PSMD6: variants seen among roughly 807,000 people sequenced by gnomAD.
PSMD6 encodes 26S proteasome non-ATPase regulatory subunit 6.
Under a neutral mutation model 44.9 loss-of-function variants are expected in PSMD6, and 7 were observed. That is an observed-to-expected ratio of 0.16 (90% CI 0.09 to 0.29). PSMD6 has a LOEUF of 0.29. Ranked by LOEUF, PSMD6 falls within the 10% of genes least tolerant of loss-of-function variation. The probability of loss-of-function intolerance (pLI) is 1.00; values close to 1 mark genes in which losing one functional copy is unlikely to be tolerated. For missense variants in PSMD6, 420 were observed against 482.6 expected (o/e 0.87, Z 1.21); for synonymous variants, 184 against 172.7 (o/e 1.07, Z -0.51).
At chr3:64,021,982 G>A (rs1044362220) in intron 2 of PSMD6, among the ~76,000 whole-genome samples, 1 of 152,150 alleles carries the variant, frequency 6.6e-6, no homozygotes, top group Non-Finnish European at 1.5e-5. Context: ...AAAGACACCA[G>A]AACCAGTGCT....
Position 64,018,808 on chromosome 3 carries a change from T to C in PSMD6, c.717+10A>G, listed in dbSNP as rs746184143. The C allele has an allele frequency of 6.4e-7, 1 of 1,555,410 alleles. No individual in the cohort carries two copies. Among genetic ancestry groups the C allele is most frequent in the South Asian group, 1.1e-5 (1 of 88,316 alleles). Reference sequence around the variant, plus strand: ...GTCTTTAAATTTGAGTATTAAAGTTTGGTCATTACCTTTTCCCTGAGATCT... The same window carrying C: ...GTCTTTAAATTTGAGTATTAAAGTTCGGTCATTACCTTTTCCCTGAGATCT... On this transcript the variant is annotated intron_variant, in intron 4 of 7. Transcript: ENST00000295901.
intron 1 of PSMD6, 183 bp from the exon 2 acceptor site, chr3:64,022,706 G>T: frequency 2.6e-6 from 4 of 1,536,992 alleles, no homozygotes; most frequent in Non-Finnish European, 3.5e-6. Context: ...CTGGTGGGAG[G>T]TTTGCGTGAC....
intron 6 of PSMD6, chr3:64,011,370 A>AAAAC (rs2075945457): frequency 1.3e-5 from 2 of 153,652 alleles, no homozygotes; most frequent in Admixed American, 6.5e-5. Flanking sequence ...AGTATTTACT[A>AAAAC]AAACAACGAC....
Position 64,023,431 on chromosome 3 carries a change from G to T in PSMD6, c.-12C>A, listed in dbSNP as rs370015259. 3 of 1,589,472 alleles carry T rather than the reference G, an allele frequency of 1.9e-6. No homozygotes were observed. The highest frequency in any genetic ancestry group is 2.6e-6 in the Non-Finnish European group (3 of 1,164,254). On this transcript the variant is annotated 5_prime_UTR_variant, in exon 1 of 8. Transcript: ENST00000295901. The stretch of plus-strand genomic sequence containing the variant: ...TTCTCCAGCGGCATCGCGGCGAAGG[G>T]GACAGCGGCTGACAGGACACAACTT...
chr3:64,022,996 C>T (rs187858933), intron 1 of PSMD6: 4 of 1,423,728 alleles, frequency 2.8e-6, no homozygotes, highest in African/African-American at 1.4e-5. Context: ...TTACTCTGTG[C>T]CTAGCACAGG....
Position 64,022,442 on chromosome 3 carries a change from G to A in PSMD6, c.227C>T (p.Ala76Val), listed in dbSNP as rs144469360. ...DVDLLNKMKK[A>V]NEDELKRLDE... ...CAAACGCTTCAACTCATCTTCATTT[G>A]CCTTCTTCATTTTATTGAGTAGGTC... is the stretch of plus-strand genomic sequence containing the variant. The change falls in exon 2 of 8, where the codon GCA (alanine) becomes GTA (valine). Residue 76 changes from alanine (A) to valine (V), a missense_variant. Physicochemically the swap from Ala to Val is moderately conservative, Grantham distance 64 (BLOSUM62 0). Transcript: ENST00000295901. 1.2e-6 allele frequency: 2 copies of A among 1,614,032 alleles called. No individual in the cohort carries two copies. The highest frequency in any genetic ancestry group is 2.7e-5 in the African/African-American group (2 of 75,012).
chr3:64,014,242 C>T (rs1045565618), intron 5 of PSMD6: 6 of 152,132 alleles, frequency 3.9e-5, no homozygotes, highest in African/African-American at 1.2e-4. Context: ...AATGAGCAAT[C>T]CACACAAATA....
In PSMD6 at chr3:64,019,042, G is replaced by A. The variant is rs1249634093; in HGVS notation, c.498-5C>T. Reference sequence around the variant, plus strand: ...TCTCCTCCTTCTTCTATTAAGCTATGAAATAAAAACAGTAAGATCATAGTC... The same window carrying A: ...TCTCCTCCTTCTTCTATTAAGCTATAAAATAAAAACAGTAAGATCATAGTC... On this transcript the variant is annotated splice_region_variant and splice_polypyrimidine_tract_variant and intron_variant, in intron 3 of 7. Transcript: ENST00000295901. 4 of 1,587,882 alleles carry A rather than the reference G, an allele frequency of 2.5e-6. No individual in the cohort carries two copies. The highest frequency in any genetic ancestry group is 1.7e-6 in the Non-Finnish European group (2 of 1,156,562).
chr3:64,010,782 A>G lies in PSMD6; in HGVS notation c.1074-18T>C. The G allele has an allele frequency of 6.3e-7, 1 of 1,587,234 alleles. No individual in the cohort carries two copies. On this transcript the variant is annotated intron_variant, in intron 7 of 7. Coordinates refer to ENST00000295901, the MANE Select transcript of PSMD6 (RefSeq NM_014814.3). ...TATCAGGTCTATAAATAAATTCAAG[A>G]AAAAATGAATTATTTACCAGTCACA...
intron 2 of PSMD6, chr3:64,019,986 T>C (rs1227966514): frequency 1.3e-5 from 2 of 152,334 alleles, no homozygotes; most frequent in Non-Finnish European, 2.9e-5. Flanking sequence ...ATTTCACAAA[T>C]TTATAAGGGA....
rs1036950265 is a variant in PSMD6 at position 64,023,436 on chromosome 3, G to C, written c.-17C>G. On this transcript the variant is annotated 5_prime_UTR_variant, in exon 1 of 8. Transcript: ENST00000295901. ...CAGCGGCATCGCGGCGAAGGGGACA[G>C]CGGCTGACAGGACACAACTTGGTTA... 3 of 1,586,762 alleles carry C rather than the reference G, an allele frequency of 1.9e-6. No individual in the cohort carries two copies. Among genetic ancestry groups the C allele is most frequent in the East Asian group, 4.7e-5 (2 of 42,852 alleles).
chr3:64,018,968 C>T lies in PSMD6; in HGVS notation c.567G>A (p.Val189=), dbSNP rs915455906. ...RLKVYQGLYC[V]AIRDFKQAAE... ...CTGCCTGTTTGAAATCACGAATAGC[C>T]ACACAATAAAGACCCTGATACACTT... Residue 189 remains valine, a synonymous_variant, in exon 4 of 8, where the codon GTG becomes GTA. Coordinates refer to ENST00000295901, the MANE Select transcript of PSMD6 (RefSeq NM_014814.3). 6.8e-6 allele frequency: 11 copies of T among 1,612,780 alleles called. No homozygotes were observed. The highest frequency in any genetic ancestry group is 9.3e-6 in the Non-Finnish European group (11 of 1,178,856).
At position 64,022,428 on chromosome 3, in the gene PSMD6, A is replaced by G; in HGVS notation, c.241T>C (p.Leu81=). Residue 81 remains leucine (L), a synonymous_variant, in exon 2 of 8, where the codon TTG becomes CTG. Coordinates refer to ENST00000295901, the MANE Select transcript of PSMD6 (RefSeq NM_014814.3). The stretch of plus-strand genomic sequence containing the variant: ...TCCAGCTCCTCATCCAAACGCTTCA[A>G]CTCATCTTCATTTGCCTTCTTCATT... ...NKMKKANEDE[L]KRLDEELEDA... is the part of the protein sequence containing the mutation. The G allele has an allele frequency of 6.2e-7, 1 of 1,614,048 alleles. No homozygotes were observed. The highest frequency in any genetic ancestry group is 8.5e-7 in the Non-Finnish European group (1 of 1,179,992).
chr3:64,018,342 C>G (rs2076079422), intron 5 of PSMD6: 1 of 311,094 alleles, frequency 3.2e-6, no homozygotes, highest in African/African-American at 2.2e-5. Context: ...CTACATAGCT[C>G]TCCGTCACAT....
chr3:64,018,383 T>C, intron 5 of PSMD6: 1 of 399,844 alleles, frequency 2.5e-6, no homozygotes, highest in Non-Finnish European at 4.5e-6. Flanking sequence ...TTTAAAAATG[T>C]AAAAATCATT....
In PSMD6 at chr3:64,018,813, AT is replaced by A; in HGVS notation, c.717+4del. 1 of 1,566,908 alleles carries A rather than the reference AT, an allele frequency of 6.4e-7. No individual in the cohort carries two copies. The highest frequency in any genetic ancestry group is 1.4e-5 in the African/African-American group (1 of 73,846). ...TAAATTTGAGTATTAAAGTTTGGTC[AT>A]TACCTTTTCCCTGAGATCTGGTCTT... On this transcript the variant is annotated splice_donor_region_variant and intron_variant, in intron 4 of 7. Coordinates refer to ENST00000295901, the MANE Select transcript of PSMD6 (RefSeq NM_014814.3).
At chr3:64,013,344 G>T in intron 6 of PSMD6, 95 bp downstream of exon 6, 1 of 1,271,454 alleles carries the variant, frequency 7.9e-7, no homozygotes, top group South Asian at 1.6e-5. Context: ...TTAAGATTGA[G>T]GGAACCAATG....
chr3:64,010,806 C>G (rs1368488304), intron 7 of PSMD6, 42 bp from the exon 8 acceptor site: 1 of 1,576,524 alleles, frequency 6.3e-7, no homozygotes, highest in East Asian at 2.3e-5. Flanking sequence ...TTACCAGTCA[C>G]ATTATTCCAT....
In PSMD6 at chr3:64,022,328, A is replaced by G. The variant is rs1357554692; in HGVS notation, c.341T>C (p.Ile114Thr). 1 of 1,614,188 alleles carries G rather than the reference A, an allele frequency of 6.2e-7. No homozygotes were observed. Among genetic ancestry groups the G allele is most frequent in the Admixed American group, 1.7e-5 (1 of 60,024 alleles). ...MMAKAEYLCR[I>T]GDKEGALTAF... ...ACCATCTCTACTCACTTTGTCACCTATCCGGCAGAGGTACTCGGCCTTTGC... is the reference window on the plus strand; with the variant it reads ...ACCATCTCTACTCACTTTGTCACCTGTCCGGCAGAGGTACTCGGCCTTTGC... The change falls in exon 2 of 8, where the codon ATA becomes ACA. Residue 114 changes from isoleucine (I) to threonine (T), a missense_variant. Coordinates refer to ENST00000295901, the MANE Select transcript of PSMD6 (RefSeq NM_014814.3).
Sources: gnomAD v4.1 joint callset for allele counts (sites outside exome capture counted in the v4.1 genomes callset) on GRCh38, gnomAD v4.1.1 for gene constraint, MANE v1.5 for transcripts, NCBI Gene and HGNC (gene_info 2026-07-23, HGNC 2026-07-21) for gene names.